The following VPS13A variants were observed in gnomAD, a reference collection of about 807,000 sequenced individuals.
VPS13A encodes the protein intermembrane lipid transfer protein VPS13A.
A neutral mutation model predicts 390.9 loss-of-function variants in VPS13A; 264 were observed. The ratio of observed to expected loss-of-function variants is 0.68; its 90% CI spans 0.61 to 0.75. VPS13A has a LOEUF of 0.75. Ranked by LOEUF, VPS13A falls within the 30% of genes least tolerant of loss-of-function variation. The pLI is 0.00. For missense variants in VPS13A, 3,409 were observed against 3,733.9 expected (o/e 0.91, Z 2.27); for synonymous variants, 1,231 against 1,227.1 (o/e 1.00, Z -0.07).
chr9:77,315,303 A>G lies in VPS13A; in HGVS notation c.4463A>G (p.Lys1488Arg), dbSNP rs1366055651. Residue 1488 changes from lysine to arginine, a missense_variant, in exon 38 of 72, where the codon AAG becomes AGG. Lys to Arg is a conservative substitution (Grantham distance 26). This residue lies in a region of VPS13A where 2,717 missense variants were observed against 2,917.4 expected (regional missense o/e 0.93). Coordinates refer to ENST00000360280, the MANE Select transcript of VPS13A (RefSeq NM_033305.3). ...GFDKKDMMDI[K>R]YRKVRDGCVT... ...GACAAAAAAGACATGATGGATATAAAGTACAGGAAAGTCAGAGATGGTTGT... is the reference window on the plus strand; with the variant it reads ...GACAAAAAAGACATGATGGATATAAGGTACAGGAAAGTCAGAGATGGTTGT... The G allele has an allele frequency of 6.2e-7, 1 of 1,613,880 alleles. No homozygotes were observed. The highest frequency in any genetic ancestry group is 2.2e-5 in the East Asian group (1 of 44,872).
chr9:77,256,700 A>G (rs1180138960), intron 22 of VPS13A, among the ~76,000 whole-genome samples: 1 of 152,030 alleles, frequency 6.6e-6, no homozygotes, highest in East Asian at 1.9e-4. Flanking sequence ...TATAATTGTT[A>G]TGTCTTCTTG....
chr9:77,302,367 C>CTTTTT lies in VPS13A; in HGVS notation c.3813-548_3813-547insTTTTT, dbSNP rs750574896. Among the ~76,000 whole-genome samples the CTTTTT allele has an allele frequency of 1.5e-3, 210 of 135,966 alleles. 11 individuals carry two copies. Among genetic ancestry groups the CTTTTT allele is most frequent in the South Asian group, 3.3e-3 (14 of 4,260 alleles). The allele number at this position is 135,966 out of a possible 152,430, so 89.2% of individuals were successfully genotyped here. ...TGTATCGAAAAATACATATTTTTCC[C>CTTTTT]CTTTTTTTTTTTTTTTTTTTTTGGA... On this transcript the variant is annotated intron_variant, in intron 33 of 71. Coordinates refer to ENST00000360280, the MANE Select transcript of VPS13A (RefSeq NM_033305.3).
chr9:77,376,466 A>G (rs954006082), intron 67 of VPS13A, among the ~76,000 whole-genome samples: 5 of 152,202 alleles, frequency 3.3e-5, no homozygotes, highest in Non-Finnish European at 7.3e-5. Context: ...TGATTCGACT[A>G]TTAGAGTACT....
At chr9:77,212,379 C>G (rs903777076) in intron 7 of VPS13A, among the ~76,000 whole-genome samples, 2 of 151,994 alleles carry the variant, frequency 1.3e-5, no homozygotes, top group African/African-American at 2.4e-5. Context: ...AATCATATTC[C>G]CTGTCGACCT....
chr9:77,260,779 C>G (rs1301769787), intron 23 of VPS13A, among the ~76,000 whole-genome samples: 1 of 152,160 alleles, frequency 6.6e-6, no homozygotes, highest in East Asian at 1.9e-4. Context: ...AGCAATAACA[C>G]TGTTAACTAC....
Position 77,322,164 on chromosome 9 carries a change from C to A in VPS13A, c.5830+418C>A, listed in dbSNP as rs202055383. ...TCTAAGTGTGAATTCATGCAGATGG[C>A]AATTTTTAATGGCTTTAGGATTTAT... On this transcript the variant is annotated intron_variant, in intron 44 of 71. Transcript: ENST00000360280. Among the ~76,000 whole-genome samples the A allele has an allele frequency of 1.0e-3, 152 of 150,100 alleles. 5 individuals carry two copies. The East Asian group carries it at 0.024, about 23-fold the overall frequency.
chr9:77,282,514 A>G (rs1827098234), intron 29 of VPS13A, among the ~76,000 whole-genome samples: 2 of 152,180 alleles, frequency 1.3e-5, no homozygotes, highest in South Asian at 4.1e-4. Flanking sequence ...TTAAGATTAT[A>G]TAGTAGGAGT....
At chr9:77,312,986 C>T (rs893655480) in intron 35 of VPS13A, among the ~76,000 whole-genome samples, 1 of 152,036 alleles carries the variant, frequency 6.6e-6, no homozygotes, top group African/African-American at 2.4e-5. Flanking sequence ...TTTAGGAATA[C>T]GTATAGCAGA....
At chr9:77,336,652 T>C (rs1157477863) in intron 46 of VPS13A, among the ~76,000 whole-genome samples, 3 of 151,748 alleles carry the variant, frequency 2.0e-5, no homozygotes, top group Non-Finnish European at 4.4e-5. Context: ...TTTCTTTGCA[T>C]ATATAACTGA....
intron 19 of VPS13A, among the ~76,000 whole-genome samples, chr9:77,246,503 T>G (rs946180592): frequency 6.6e-6 from 1 of 152,162 alleles, no homozygotes; most frequent in Non-Finnish European, 1.5e-5. Context: ...TGTGCCTTTT[T>G]GTTTGAGTGT....
At chr9:77,184,573 C>T (rs934881979) in intron 1 of VPS13A, among the ~76,000 whole-genome samples, 15 of 152,148 alleles carry the variant, frequency 9.9e-5, no homozygotes, top group African/African-American at 3.4e-4. Context: ...GAGCCGAGAT[C>T]GTGCTACTGC....
chr9:77,372,221 C>T (rs1201080323), intron 67 of VPS13A, among the ~76,000 whole-genome samples: 3 of 151,524 alleles, frequency 2.0e-5, no homozygotes, highest in East Asian at 1.9e-4. Context: ...CCTGAGGAAT[C>T]GCCACACTGA....
At chr9:77,333,864 A>T (rs933859604) in intron 46 of VPS13A, among the ~76,000 whole-genome samples, 5 of 152,182 alleles carry the variant, frequency 3.3e-5, no homozygotes, top group African/African-American at 7.2e-5. Flanking sequence ...CATTTAACAA[A>T]TATTTATCAA....
intron 68 of VPS13A, chr9:77,382,308 T>C (rs1159523945): frequency 6.5e-7 from 1 of 1,543,150 alleles, no homozygotes; most frequent in East Asian, 2.3e-5. Context: ...GAAAAGTTAA[T>C]GCATGACTTT....
rs564684538 is a variant in VPS13A at position 77,309,277 on chromosome 9, C to T, written c.4114+1179C>T. On this transcript the variant is annotated intron_variant, in intron 35 of 71. Coordinates refer to ENST00000360280, the MANE Select transcript of VPS13A (RefSeq NM_033305.3). ...ATTTGGTTGAGGCAATCTCCCAGGA[C>T]GGAGAATAAAAAAGCACAGGGATGG... Among the ~76,000 whole-genome samples, 47 of 152,026 alleles carry T rather than the reference C, an allele frequency of 3.1e-4. 1 individual carries two copies. The South Asian group carries it at 3.7e-3, about 12-fold the overall frequency.
intron 2 of VPS13A, among the ~76,000 whole-genome samples, chr9:77,200,704 C>G (rs1825280788): frequency 6.6e-6 from 1 of 152,102 alleles, no homozygotes; most frequent in Non-Finnish European, 1.5e-5. Context: ...AGTTTTTAAT[C>G]TGATAAAGAC....
chr9:77,275,378 G>A, intron 24 of VPS13A, 120 bp from the exon 25 acceptor site: 1 of 961,894 alleles, frequency 1.0e-6, no homozygotes, highest in Non-Finnish European at 1.6e-6. Flanking sequence ...CGGTTCTCAT[G>A]TTAATATTTG....
At position 77,416,139 on chromosome 9, in the gene VPS13A, CAAACAAAA is replaced by C. The variant is rs772667429; in HGVS notation, c.*143_*150del. 3.6e-4 allele frequency: 396 copies of C among 1,111,138 alleles called. 1 individual carries two copies. Among genetic ancestry groups the C allele is most frequent in the Non-Finnish European group, 4.5e-4 (346 of 761,728 alleles). The allele number at this position is 1,111,138 out of a possible 1,614,324, so 68.8% of individuals were successfully genotyped here. On this transcript the variant is annotated 3_prime_UTR_variant, in exon 72 of 72. Coordinates refer to ENST00000360280, the MANE Select transcript of VPS13A (RefSeq NM_033305.3). Reference sequence around the variant, plus strand: ...TATTCTGGATGCTAAAAAACAAAAACAAACAAAAAAACAAAAACAAAAAAACAAAACCA... The same window carrying C: ...TATTCTGGATGCTAAAAAACAAAAACAAACAAAAACAAAAAAACAAAACCA...
chr9:77,283,791 TG>T (rs1198064069), intron 31 of VPS13A, 141 bp downstream of exon 31: 2 of 666,766 alleles, frequency 3.0e-6, no homozygotes, highest in South Asian at 2.0e-5. Context: ...CAGGCATAAT[TG>T]GGTTCTTAGC....
Sources: gnomAD v4.1 joint callset for allele counts (sites outside exome capture counted in the v4.1 genomes callset) on GRCh38, gnomAD v4.1.1 for gene constraint, gnomAD v4.1.1 regional missense constraint, MANE v1.5 for transcripts, NCBI Gene and HGNC (gene_info 2026-07-23, HGNC 2026-07-21) for gene names.